Variants in TNNI3K observed in about 807,000 individuals in gnomAD.
The protein encoded by TNNI3K is TNNI3 interacting kinase.
A neutral mutation model predicts 114.5 loss-of-function variants in TNNI3K; 140 were observed. That is an observed-to-expected ratio of 1.22 (90% confidence interval 1.07 to 1.41). The LOEUF is 1.41. TNNI3K is among the 40% of genes most tolerant of loss of function. The probability of loss-of-function intolerance (pLI) is 0.00; values close to 1 mark genes in which losing one functional copy is unlikely to be tolerated. For missense variants in TNNI3K, 1,125 were observed against 1,007.6 expected (o/e 1.12, Z -1.58); for synonymous variants, 347 against 347.5 (o/e 1.00, Z 0.02).
chr1:74,276,826 G>A (rs1362572230), intron 5 of TNNI3K, among the ~76,000 whole-genome samples: 1 of 152,006 alleles, frequency 6.6e-6, no homozygotes, highest in African/African-American at 2.4e-5. Context: ...CATTGACTAG[G>A]CAGCTGTCTT....
intron 24 of TNNI3K, among the ~76,000 whole-genome samples, chr1:74,540,606 TAAA>T (rs5775242): frequency 5.4e-5 from 8 of 147,248 alleles, no homozygotes; most frequent in African/African-American, 2.0e-4. Flanking sequence ...ACTCTTTTTT[TAAA>T]AAAAAAAAAA....
intron 17 of TNNI3K, among the ~76,000 whole-genome samples, chr1:74,402,571 A>G (rs749293816): frequency 3.3e-5 from 5 of 152,326 alleles, no homozygotes; most frequent in Admixed American, 6.5e-5. Context: ...TTAACTCTAT[A>G]TATGTAGATT....
intron 4 of TNNI3K, among the ~76,000 whole-genome samples, chr1:74,266,680 A>G (rs1656012520): frequency 6.6e-6 from 1 of 152,010 alleles, no homozygotes; most frequent in Non-Finnish European, 1.5e-5. Context: ...TGGATGTAAT[A>G]TGGTAGTAGA....
rs17095397 is a variant in TNNI3K at position 74,474,522 on chromosome 1, A to G, written c.2121+10972A>G. On this transcript the variant is annotated intron_variant, in intron 21 of 24. Coordinates refer to ENST00000326637, the MANE Select transcript of TNNI3K (RefSeq NM_015978.3). ...AATTTCTTGATACAGCACCTCTGTC[A>G]TTCATACTCTTAGAGAAAGCTCTGC... 8.0e-3 allele frequency among the ~76,000 whole-genome samples: 1,220 copies of G among 152,316 alleles called. 14 individuals carry two copies. The highest frequency in any genetic ancestry group is 0.028 in the African/African-American group (1,157 of 41,578).
chr1:74,524,757 A>T (rs535154296), intron 23 of TNNI3K, among the ~76,000 whole-genome samples: 3 of 142,462 alleles, frequency 2.1e-5, no homozygotes, highest in East Asian at 2.0e-4. Flanking sequence ...TTAAAAAAGT[A>T]AAAAAAAAAA....
At chr1:74,420,321 G>T (rs1320938868) in intron 17 of TNNI3K, among the ~76,000 whole-genome samples, 2 of 152,072 alleles carry the variant, frequency 1.3e-5, no homozygotes, top group African/African-American at 4.8e-5. Context: ...TTCATTCTAT[G>T]CACCTATTTG....
At chr1:74,319,453 A>G (rs1401051335) in intron 5 of TNNI3K, among the ~76,000 whole-genome samples, 1 of 152,186 alleles carries the variant, frequency 6.6e-6, no homozygotes, top group Non-Finnish European at 1.5e-5. Context: ...AAGCAATACC[A>G]CTTATATTTT....
chr1:74,501,474 G>GTGTTTGTTTGTTTGTTTGTT (rs71588835), intron 23 of TNNI3K, among the ~76,000 whole-genome samples: 2 of 149,942 alleles, frequency 1.3e-5, no homozygotes, highest in East Asian at 2.0e-4. Flanking sequence ...TTTTTGTTTT[G>GTGTTTGTTTGTTTGTTTGTT]TGTTTGTTTG....
At chr1:74,269,356 GAA>G (rs1430976983) in intron 4 of TNNI3K, among the ~76,000 whole-genome samples, 1 of 151,828 alleles carries the variant, frequency 6.6e-6, no homozygotes, top group Non-Finnish European at 1.5e-5. Context: ...CCACTGCTCA[GAA>G]AAGAGTTTGA....
At chr1:74,515,640 G>A (rs1389756820) in intron 23 of TNNI3K, among the ~76,000 whole-genome samples, 2 of 152,172 alleles carry the variant, frequency 1.3e-5, no homozygotes, top group Non-Finnish European at 2.9e-5. Flanking sequence ...GACATCCGAT[G>A]TAGTCAAACT....
At chr1:74,411,382 G>T (rs1464256038) in intron 17 of TNNI3K, among the ~76,000 whole-genome samples, 1 of 152,070 alleles carries the variant, frequency 6.6e-6, no homozygotes, top group African/African-American at 2.4e-5. Context: ...AAACTTGTTG[G>T]TTCTTGTAAG....
intron 17 of TNNI3K, among the ~76,000 whole-genome samples, chr1:74,406,066 T>TTG (rs1168640851): frequency 6.6e-6 from 1 of 152,236 alleles, no homozygotes; most frequent in African/African-American, 2.4e-5. Flanking sequence ...GATGGGTCAG[T>TTG]TGATCTCCTA....
In TNNI3K at chr1:74,472,086, T is replaced by C. The variant is rs769032336; in HGVS notation, c.2121+8536T>C. Reference sequence around the variant, plus strand: ...GCCTATGAGGGTGTAAGCCATTGTCTTCTTTTTCTATTGGAGGCTGCCATG... The same window carrying C: ...GCCTATGAGGGTGTAAGCCATTGTCCTCTTTTTCTATTGGAGGCTGCCATG... On this transcript the variant is annotated intron_variant, in intron 21 of 24. Transcript: ENST00000326637. The C allele has an allele frequency of 5.6e-6, 4 of 717,316 alleles. No homozygotes were observed. The South Asian group carries it at 5.9e-5, about 11-fold the overall frequency. 44.4% of individuals were successfully genotyped at this position (717,316 alleles called of 1,614,324 possible).
intron 6 of TNNI3K, among the ~76,000 whole-genome samples, chr1:74,332,156 C>T (rs1387112962): frequency 1.3e-5 from 2 of 151,956 alleles, no homozygotes; most frequent in Admixed American, 6.6e-5. Context: ...TTGTTCAATA[C>T]ATGATTTTTA....
At chr1:74,258,305 C>T (rs1391591028) in intron 4 of TNNI3K, among the ~76,000 whole-genome samples, 1 of 152,196 alleles carries the variant, frequency 6.6e-6, no homozygotes, top group Non-Finnish European at 1.5e-5. Context: ...TACCCTGCTC[C>T]ACAAATACAG....
chr1:74,407,555 T>A (rs1664675962), intron 17 of TNNI3K, among the ~76,000 whole-genome samples: 2 of 152,192 alleles, frequency 1.3e-5, no homozygotes, highest in East Asian at 3.8e-4. Flanking sequence ...AAATACATAT[T>A]TGAGTGGAAT....
intron 23 of TNNI3K, among the ~76,000 whole-genome samples, chr1:74,531,929 T>C (rs1472276606): frequency 1.3e-5 from 2 of 152,208 alleles, no homozygotes; most frequent in African/African-American, 2.4e-5. Flanking sequence ...TGTTGCCTTA[T>C]TAAAAATCCA....
At chr1:74,313,170 C>A (rs1299435795) in intron 5 of TNNI3K, among the ~76,000 whole-genome samples, 2 of 152,178 alleles carry the variant, frequency 1.3e-5, no homozygotes, top group Non-Finnish European at 2.9e-5. Context: ...ATGCAAAATT[C>A]AATACAGGCA....
chr1:74,465,145 C>A (rs45624638), intron 21 of TNNI3K, among the ~76,000 whole-genome samples: 1 of 152,218 alleles, frequency 6.6e-6, no homozygotes, highest in Non-Finnish European at 1.5e-5. Flanking sequence ...CACTCACTCT[C>A]GGGGCCTCCT....
Sources: allele counts gnomAD v4.1 joint callset (sites outside exome capture counted in the v4.1 genomes callset), GRCh38; gene constraint gnomAD v4.1.1; transcripts MANE v1.5; gene names NCBI Gene and HGNC (gene_info 2026-07-23, HGNC 2026-07-21).